The following PALM2AKAP2 variants were observed in gnomAD, a reference collection of about 807,000 sequenced individuals.
PALM2AKAP2 encodes the protein PALM2 and AKAP2 fusion, also known as PALM2-AKAP2 fusion protein.
A neutral mutation model predicts 71.5 loss-of-function variants in PALM2AKAP2; 37 were observed. That is an observed-to-expected ratio of 0.52 (90% CI 0.40 to 0.68). The LOEUF (loss-of-function observed/expected upper bound fraction) is 0.68, where lower values mean the gene tolerates loss of function less well. PALM2AKAP2 is among the 30% of genes least tolerant of loss of function. The pLI is 0.00. For synonymous variants in PALM2AKAP2, 468 were observed against 478.8 expected, an observed-to-expected ratio of 0.98 and a Z score of 0.29; for missense variants, 1,224 against 1,191.8, an observed-to-expected ratio of 1.03 and a Z score of -0.40.
intron 1 of PALM2AKAP2, among the ~76,000 whole-genome samples, chr9:109,769,335 A>G (rs1230803221): frequency 6.6e-6 from 1 of 152,156 alleles, no homozygotes; most frequent in Non-Finnish European, 1.5e-5. Flanking sequence ...TCAGAGGGCA[A>G]GTGTGAAATC....
intron 7 of PALM2AKAP2, among the ~76,000 whole-genome samples, chr9:110,029,248 CT>C (rs994421291): frequency 1.3e-5 from 2 of 152,146 alleles, no homozygotes; most frequent in African/African-American, 4.8e-5. Flanking sequence ...TATATCATGA[CT>C]TTTTGGAAGC....
In PALM2AKAP2 at chr9:110,002,901, G is replaced by T. The variant is rs187122917; in HGVS notation, c.497-13053G>T. Among the ~76,000 whole-genome samples the T allele has an allele frequency of 3.3e-3, 504 of 152,074 alleles. 1 individual carries two copies. Among genetic ancestry groups the T allele is most frequent in the African/African-American group, 0.011 (475 of 41,472 alleles). On this transcript the variant is annotated intron_variant, in intron 6 of 9. Transcript: ENST00000302798. ...TATCCCCTTTATAATTTTTTATTGC[G>T]TCTATTTGATTCTTCTCTCTTTTCT...
chr9:110,110,804 C>G (rs959095621), intron 1 of PALM2AKAP2, among the ~76,000 whole-genome samples: 10 of 152,040 alleles, frequency 6.6e-5, no homozygotes, highest in African/African-American at 2.4e-4. Flanking sequence ...GCCCCAGCCT[C>G]CCAAAGTGCT....
At chr9:110,140,234 C>T (rs759252306) in intron 2 of PALM2AKAP2, among the ~76,000 whole-genome samples, 10 of 152,066 alleles carry the variant, frequency 6.6e-5, no homozygotes, top group East Asian at 3.8e-4. Flanking sequence ...TATTTTTATC[C>T]GCAACTTGTT....
chr9:109,947,179 A>G (rs1463156948), intron 6 of PALM2AKAP2, among the ~76,000 whole-genome samples: 1 of 152,204 alleles, frequency 6.6e-6, no homozygotes, highest in Non-Finnish European at 1.5e-5. Flanking sequence ...AAATTCTATT[A>G]ATTTGATTTG....
intron 1 of PALM2AKAP2, among the ~76,000 whole-genome samples, chr9:109,716,644 T>C (rs1374701583): frequency 6.6e-6 from 1 of 152,156 alleles, no homozygotes; most frequent in Non-Finnish European, 1.5e-5. Context: ...TAGTCAGGGA[T>C]AGGGGGAAGG....
At chr9:109,920,535 A>C (rs1178898560) in intron 3 of PALM2AKAP2, among the ~76,000 whole-genome samples, 1 of 151,942 alleles carries the variant, frequency 6.6e-6, no homozygotes, top group Non-Finnish European at 1.5e-5. Flanking sequence ...GTGCACCACC[A>C]TGCCCAGCTA....
At chr9:109,851,755 C>A (rs1034023113) in intron 1 of PALM2AKAP2, among the ~76,000 whole-genome samples, 1 of 152,198 alleles carries the variant, frequency 6.6e-6, no homozygotes, top group African/African-American at 2.4e-5. Flanking sequence ...TTCTGACTCA[C>A]TTCTAAGTGG....
intron 1 of PALM2AKAP2, among the ~76,000 whole-genome samples, chr9:110,067,523 C>G (rs958723770): frequency 6.6e-6 from 1 of 152,164 alleles, no homozygotes; most frequent in Non-Finnish European, 1.5e-5. Context: ...ATGTGAGTCT[C>G]CTTCACCCAA....
intron 3 of PALM2AKAP2, among the ~76,000 whole-genome samples, chr9:110,156,702 G>A (rs1460580643): frequency 6.6e-6 from 1 of 152,152 alleles, no homozygotes; most frequent in Non-Finnish European, 1.5e-5. Context: ...GATCTTGCAG[G>A]GAGCTGGTCC....
intron 1 of PALM2AKAP2, among the ~76,000 whole-genome samples, chr9:109,742,282 C>CAT (rs1828727829): frequency 6.6e-6 from 1 of 151,450 alleles, no homozygotes; most frequent in Admixed American, 6.6e-5. Flanking sequence ...CACACACACA[C>CAT]ACACACACAC....
At chr9:110,072,180 A>C (rs1834220780) in intron 1 of PALM2AKAP2, among the ~76,000 whole-genome samples, 1 of 152,226 alleles carries the variant, frequency 6.6e-6, no homozygotes, top group African/African-American at 2.4e-5. Context: ...TGATGTGGGC[A>C]AAAATGAGGG....
At chr9:110,082,692 G>A (rs1834476309) in intron 1 of PALM2AKAP2, among the ~76,000 whole-genome samples, 1 of 152,054 alleles carries the variant, frequency 6.6e-6, no homozygotes, top group Non-Finnish European at 1.5e-5. Flanking sequence ...TTGGTTTTGT[G>A]GTAAAATGTA....
chr9:109,903,711 T>C (rs145575551), intron 3 of PALM2AKAP2, among the ~76,000 whole-genome samples: 430 of 152,178 alleles, frequency 2.8e-3, no homozygotes, highest in African/African-American at 9.6e-3. Context: ...GTTAGGGAAC[T>C]ATGACTTCAC....
chr9:110,131,381 G>C (rs1835731269), intron 1 of PALM2AKAP2, among the ~76,000 whole-genome samples: 1 of 152,110 alleles, frequency 6.6e-6, no homozygotes, highest in Non-Finnish European at 1.5e-5. Flanking sequence ...TTGCATTGGG[G>C]CATAGTTCAT....
chr9:109,906,057 G>T (rs557493083), intron 3 of PALM2AKAP2, among the ~76,000 whole-genome samples: 1 of 152,134 alleles, frequency 6.6e-6, no homozygotes, highest in African/African-American at 2.4e-5. Context: ...GAGGTGCCCC[G>T]TGGTGCCTGG....
At chr9:109,782,744 T>TGTGTG (rs1826849241) in intron 1 of PALM2AKAP2, among the ~76,000 whole-genome samples, 2 of 144,306 alleles carry the variant, frequency 1.4e-5, no homozygotes, top group South Asian at 2.2e-4. Flanking sequence ...GTGTGTTTGT[T>TGTGTG]TGTGTGTGTG....
intron 3 of PALM2AKAP2, among the ~76,000 whole-genome samples, chr9:110,164,815 G>A (rs1454004764): frequency 6.6e-6 from 1 of 152,196 alleles, no homozygotes; most frequent in African/African-American, 2.4e-5. Flanking sequence ...ACAGGCTTGA[G>A]CCACTGCACC....
intron 1 of PALM2AKAP2, among the ~76,000 whole-genome samples, chr9:110,103,603 A>G (rs926504185): frequency 6.6e-6 from 1 of 152,216 alleles, no homozygotes; most frequent in Non-Finnish European, 1.5e-5. Flanking sequence ...CCTCATGTGT[A>G]TTCTACTTAG....
Sources: allele counts gnomAD v4.1 joint callset (sites outside exome capture counted in the v4.1 genomes callset), GRCh38; gene constraint gnomAD v4.1.1; transcripts MANE v1.5; gene names NCBI Gene and HGNC (gene_info 2026-07-23, HGNC 2026-07-21).